DSG3: variants seen among roughly 807,000 people sequenced by gnomAD.
The protein encoded by DSG3 is desmoglein 3, also known as desmoglein-3.
In DSG3, 63 loss-of-function variants were observed where a neutral mutation model predicts 85.9. The observed-to-expected ratio is 0.73, with a 90% CI of 0.60 to 0.90. DSG3 has a LOEUF of 0.90. Ranked by LOEUF, DSG3 falls within the 40% of genes least tolerant of loss-of-function variation. DSG3 has a pLI of 0.00. For missense variants in DSG3, 1,220 were observed against 1,219.9 expected (o/e 1.00, Z 0.00); for synonymous variants, 447 against 441.9 (o/e 1.01, Z -0.14).
At chr18:31,456,304 C>T in intron 1 of DSG3, 136 bp from the exon 2 acceptor site, 26 of 572,756 alleles carry the variant, frequency 4.5e-5, no homozygotes, top group Non-Finnish European at 2.7e-6. Flanking sequence ...ATTATGGCTT[C>T]TTGAAACTTA....
At chr18:31,467,584 C>T (rs1598783990) in intron 11 of DSG3, among the ~76,000 whole-genome samples, 1 of 152,280 alleles carries the variant, frequency 6.6e-6, no homozygotes, top group South Asian at 2.1e-4. Context: ...CTTTCTCTTT[C>T]CCAACCTTTA....
chr18:31,466,139 T>C (rs900417466), intron 10 of DSG3, among the ~76,000 whole-genome samples: 2 of 152,176 alleles, frequency 1.3e-5, no homozygotes, highest in East Asian at 3.8e-4. Flanking sequence ...AAATATACAA[T>C]TTTTTATTCC....
Position 31,464,229 on chromosome 18 carries a change from A to G in DSG3, c.1118A>G (p.Gln373Arg), listed in dbSNP as rs1193764084. The part of the protein sequence containing the change: ...YRVQSTPVTI[Q>R]VINVREGIAF... ...GTTCAGTCAACCCCAGTCACAATTC[A>G]GGTAATAAATGTAAGAGAAGGAATT... Residue 373 changes from glutamine to arginine, a missense_variant, in exon 9 of 16, where the codon CAG becomes CGG. Coordinates refer to ENST00000257189, the MANE Select transcript of DSG3 (RefSeq NM_001944.3). 1 of 1,614,188 alleles carries G rather than the reference A, an allele frequency of 6.2e-7. No individual in the cohort carries two copies. The highest frequency in any genetic ancestry group is 2.2e-5 in the East Asian group (1 of 44,874).
At chr18:31,459,306 A>C (rs1202692110) in intron 5 of DSG3, 129 bp downstream of exon 5, 2 of 903,690 alleles carry the variant, frequency 2.2e-6, no homozygotes, top group Non-Finnish European at 3.3e-6. Context: ...AATAAAATTC[A>C]TTAAGATAAA....
chr18:31,460,962 G>A lies in DSG3; in HGVS notation c.813+1G>A. On this transcript the variant is annotated splice_donor_variant, in intron 7 of 15. Coordinates refer to ENST00000257189, the MANE Select transcript of DSG3 (RefSeq NM_001944.3). LOFTEE classifies it high-confidence loss of function. ...CTTCCCAATGTTTAGAGACTCTCAG[G>A]TACACCCATTGCTCCTTAAAGAATC... 1 of 1,585,496 alleles carries A rather than the reference G, an allele frequency of 6.3e-7. No individual in the cohort carries two copies.
At position 31,469,285 on chromosome 18, in the gene DSG3, G is replaced by T; in HGVS notation, c.1833G>T (p.Pro611=). ...GCCCTGGGACCAGGTATGGCAGGCC[G>T]CACTCAGGGAGGCTGGGGCCTGCCG... ...TTSPGTRYGR[P]HSGRLGPAAI... is the part of the protein sequence containing the mutation. Residue 611 remains proline (P), a synonymous_variant, in exon 12 of 16, where the codon CCG becomes CCT. Coordinates refer to ENST00000257189, the MANE Select transcript of DSG3 (RefSeq NM_001944.3). 1 of 1,613,970 alleles carries T rather than the reference G, an allele frequency of 6.2e-7. No individual in the cohort carries two copies. Among genetic ancestry groups the T allele is most frequent in the Non-Finnish European group, 8.5e-7 (1 of 1,180,006 alleles).
At position 31,460,930 on chromosome 18, in the gene DSG3, A is replaced by T; in HGVS notation, c.782A>T (p.Asn261Ile). The part of the protein sequence containing the change: ...CECNIKVKDV[N>I]DNFPMFRDSQ... Reference sequence around the variant, plus strand: ...TGTAATATTAAAGTGAAAGATGTCAACGATAACTTCCCAATGTTTAGAGAC... The same window carrying T: ...TGTAATATTAAAGTGAAAGATGTCATCGATAACTTCCCAATGTTTAGAGAC... Residue 261 changes from asparagine to isoleucine, a missense_variant, in exon 7 of 16, where the codon AAC becomes ATC. By Grantham distance (149) the Asn-to-Ile change is moderately radical. Transcript: ENST00000257189. 1 of 1,603,830 alleles carries T rather than the reference A, an allele frequency of 6.2e-7. No individual in the cohort carries two copies. The highest frequency in any genetic ancestry group is 8.5e-7 in the Non-Finnish European group (1 of 1,177,270).
At chr18:31,456,280 G>A (rs1364450537) in intron 1 of DSG3, among the ~76,000 whole-genome samples, 160 bp from the exon 2 acceptor site, 1 of 152,128 alleles carries the variant, frequency 6.6e-6, no homozygotes, top group African/African-American at 2.4e-5. Flanking sequence ...TTCCTGGTAG[G>A]AACTTACCCT....
intron 11 of DSG3, among the ~76,000 whole-genome samples, chr18:31,467,507 G>C (rs1179102863): frequency 6.6e-6 from 1 of 152,182 alleles, no homozygotes; most frequent in African/African-American, 2.4e-5. Flanking sequence ...CACTAGTCAG[G>C]AACATTGAGA....
At chr18:31,472,984 T>A (rs2072865198) in intron 14 of DSG3, among the ~76,000 whole-genome samples, 196 bp downstream of exon 14, 1 of 152,238 alleles carries the variant, frequency 6.6e-6, no homozygotes, top group African/African-American at 2.4e-5. Flanking sequence ...TTCAATAAGT[T>A]AATTTATCCA....
rs2072898963 is a variant in DSG3 at position 31,477,863 on chromosome 18, CAG to C, written c.*1606_*1607del. ...ATTATTCCTTACTGTATATAAAATA[CAG>C]AGTTTTATATTTTCCTTTCTTCGTT... On this transcript the variant is annotated 3_prime_UTR_variant, in exon 16 of 16. Coordinates refer to ENST00000257189, the MANE Select transcript of DSG3 (RefSeq NM_001944.3). 1 of 152,154 alleles carries C rather than the reference CAG, an allele frequency of 6.6e-6. No homozygotes were observed. Among genetic ancestry groups the C allele is most frequent in the Non-Finnish European group, 1.5e-5 (1 of 68,026 alleles). 9.4% of individuals were successfully genotyped at this position (152,154 alleles called of 1,614,324 possible). A position where few individuals can be genotyped will look rare whatever the true frequency, so the allele number is the denominator to read the frequency against.
Position 31,477,887 on chromosome 18 carries a change from C to T in DSG3, c.*1627C>T, listed in dbSNP as rs189701787. 6 of 152,298 alleles carry T rather than the reference C, an allele frequency of 3.9e-5. No homozygotes were observed. In the East Asian group the frequency reaches 7.7e-4, roughly 20 times the overall value. The allele number at this position is 152,298 out of a possible 1,614,324, so 9.4% of individuals were successfully genotyped here. A position where few individuals can be genotyped will look rare whatever the true frequency, so the allele number is the denominator to read the frequency against. ...ACAGAGTTTTATATTTTCCTTTCTT[C>T]GTTTTTCACCATATTCAAAACCTAA... On this transcript the variant is annotated 3_prime_UTR_variant, in exon 16 of 16. Coordinates refer to ENST00000257189, the MANE Select transcript of DSG3 (RefSeq NM_001944.3).
intron 1 of DSG3, among the ~76,000 whole-genome samples, chr18:31,451,733 A>G (rs1334631547): frequency 1.3e-5 from 2 of 152,210 alleles, no homozygotes; most frequent in Non-Finnish European, 2.9e-5. Flanking sequence ...ACTTGGGCAG[A>G]AGTCAGGAAA....
chr18:31,464,098 A>T lies in DSG3; in HGVS notation c.1000-13A>T. ...TTTTGTGAAACTGCCTTCTAATTTT[A>T]TTTTTTCTCCAGGCTCTAGATTATG... On this transcript the variant is annotated splice_polypyrimidine_tract_variant and intron_variant, in intron 8 of 15. Coordinates refer to ENST00000257189, the MANE Select transcript of DSG3 (RefSeq NM_001944.3). 1 of 1,602,684 alleles carries T rather than the reference A, an allele frequency of 6.2e-7. No homozygotes were observed.
At chr18:31,460,504 T>C (rs1049484182) in intron 6 of DSG3, among the ~76,000 whole-genome samples, 5 of 152,178 alleles carry the variant, frequency 3.3e-5, no homozygotes, top group African/African-American at 1.2e-4. Context: ...TACCACAGGC[T>C]ACCCGGTCAG....
chr18:31,459,432 T>C (rs1262518850), intron 5 of DSG3, among the ~76,000 whole-genome samples: 2 of 152,248 alleles, frequency 1.3e-5, no homozygotes, highest in Non-Finnish European at 2.9e-5. Context: ...ACAATTTATA[T>C]GAGCATTTGG....
chr18:31,458,574 G>A lies in DSG3; in HGVS notation c.346G>A (p.Asp116Asn), dbSNP rs137884016. The A allele has an allele frequency of 5.4e-5, 87 of 1,613,328 alleles. No individual in the cohort carries two copies. The South Asian group carries it at 6.0e-4, about 11-fold the overall frequency. The change falls in exon 4 of 16, where the codon GAC (aspartate) becomes AAC (asparagine). Residue 116 changes from aspartate (D) to asparagine (N), a missense_variant. Physicochemically the swap from Asp to Asn is conservative, Grantham distance 23. Coordinates refer to ENST00000257189, the MANE Select transcript of DSG3 (RefSeq NM_001944.3). ...AGATATTAACATAACAGCTATAGTC[G>A]ACCGGGAGGAAACTCCAAGCTTCCT... ...TGDINITAIV[D>N]REETPSFLIT...
Position 31,456,451 on chromosome 18 carries a change from G to T in DSG3, c.60G>T (p.Leu20Phe), listed in dbSNP as rs146619619. 3.0e-6 allele frequency: 4 copies of T among 1,347,992 alleles called. No homozygotes were observed. Among genetic ancestry groups the T allele is most frequent in the African/African-American group, 1.5e-5 (1 of 66,688 alleles). The allele number at this position is 1,347,992 out of a possible 1,614,324, so 83.5% of individuals were successfully genotyped here. The change falls in exon 2 of 16, where the codon TTG (leucine) becomes TTT (phenylalanine). Residue 20 changes from leucine (L) to phenylalanine (F), a missense_variant. Transcript: ENST00000257189. ...GALAIFVVVI[L>F]VHGELRIETK... Reference sequence around the variant, plus strand: ...TTAAATGTCTGCAGGTGGTCATATTGGTTCATGGAGAATTGCGAATAGAGG... The same window carrying T: ...TTAAATGTCTGCAGGTGGTCATATTTGTTCATGGAGAATTGCGAATAGAGG...
chr18:31,477,226 G>A lies in DSG3; in HGVS notation c.*966G>A. On this transcript the variant is annotated 3_prime_UTR_variant, in exon 16 of 16. Coordinates refer to ENST00000257189, the MANE Select transcript of DSG3 (RefSeq NM_001944.3). ...GAAAGTTTAGTATAAATAATATTTT[G>A]TGTGTTTTAATCCCTTTGAAGGGAT... 1 of 152,168 alleles carries A rather than the reference G, an allele frequency of 6.6e-6. No homozygotes were observed. 9.4% of individuals were successfully genotyped at this position (152,168 alleles called of 1,614,324 possible). A position where few individuals can be genotyped will look rare whatever the true frequency, so the allele number is the denominator to read the frequency against.
Sources: allele counts gnomAD v4.1 joint callset (sites outside exome capture counted in the v4.1 genomes callset), GRCh38; gene constraint gnomAD v4.1.1; transcripts MANE v1.5; gene names NCBI Gene and HGNC (gene_info 2026-07-23, HGNC 2026-07-21).